ORC1: variants seen among roughly 807,000 people sequenced by gnomAD.
ORC1 encodes origin recognition complex, subunit 1 homolog.
A neutral mutation model predicts 98.9 loss-of-function variants in ORC1; 61 were observed. The observed-to-expected ratio is 0.62, with a 90% confidence interval of 0.50 to 0.76. The LOEUF (loss-of-function observed/expected upper bound fraction) is 0.76, where lower values mean the gene tolerates loss of function less well. Ranked by LOEUF, ORC1 falls within the 30% of genes least tolerant of loss-of-function variation. The pLI is 0.00. For missense variants in ORC1, 979 were observed against 1,072.2 expected, an observed-to-expected ratio of 0.91 and a Z score of 1.21; for synonymous variants, 385 against 406.9, an observed-to-expected ratio of 0.95 and a Z score of 0.65.
In ORC1 at chr1:52,373,349, GCA is replaced by G. The variant is rs776674140; in HGVS notation, c.2416_2417del (p.Cys806GlnfsTer47). ...QQIYSQHVAL[C>X]RMEGLPYPTM... is the part of the protein sequence containing the mutation. ...TGGGGTACGGCAGTCCCTCCATTCT[GCA>G]CAGTGCCACATGTTGACTATATATC... On this transcript the variant is annotated frameshift_variant, in exon 17 of 17. Coordinates refer to ENST00000371568, the MANE Select transcript of ORC1 (RefSeq NM_004153.4). LOFTEE classifies it high-confidence loss of function. The G allele has an allele frequency of 1.2e-6, 2 of 1,613,948 alleles. No individual in the cohort carries two copies. Among genetic ancestry groups the G allele is most frequent in the Non-Finnish European group, 1.7e-6 (2 of 1,179,954 alleles).
upstream of ORC1, chr1:52,408,862 T>A: frequency 1.4e-6 from 1 of 701,744 alleles, no homozygotes; most frequent in Non-Finnish European, 2.2e-6. Context: ...GTCTGACTAC[T>A]AGCTTCGTGT....
At chr1:52,373,736 G>A (rs1557566099) in intron 16 of ORC1, among the ~76,000 whole-genome samples, 1 of 152,146 alleles carries the variant, frequency 6.6e-6, no homozygotes, top group Non-Finnish European at 1.5e-5. Flanking sequence ...AAATAGTCTT[G>A]TCTCCAGGGG....
In ORC1 at chr1:52,374,909, C is replaced by T. The variant is rs774257573; in HGVS notation, c.2304-12G>A. ...GAACAGAGGAATTTCTTAAAGGAAA[C>T]GAGGGGATGTGAGTTTTTGTCAGTG... On this transcript the variant is annotated splice_polypyrimidine_tract_variant and intron_variant, in intron 15 of 16. Transcript: ENST00000371568. The T allele has an allele frequency of 1.4e-5, 23 of 1,588,332 alleles. No homozygotes were observed. The East Asian group carries it at 1.8e-4, about 12-fold the overall frequency.
In ORC1 at chr1:52,393,486, CT is replaced by C; in HGVS notation, c.1038del (p.Val347TrpfsTer5). On this transcript the variant is annotated frameshift_variant, in exon 6 of 17. Coordinates refer to ENST00000371568, the MANE Select transcript of ORC1 (RefSeq NM_004153.4). LOFTEE classifies it high-confidence loss of function. ...GGTTTCAGAATCACGGATGGCACCACTGAAGATCTCTGTCCCCCACTGATAG... is the reference window on the plus strand; with the variant it reads ...GGTTTCAGAATCACGGATGGCACCACGAAGATCTCTGTCCCCCACTGATAG... Reference protein sequence around the residue: ...LTPISGGQRSSVVPSVILKPE... With the variant: ...LTPISGGQRSXVVPSVILKPE... 6.2e-7 allele frequency: 1 copy of C among 1,614,198 alleles called. No individual in the cohort carries two copies. The highest frequency in any genetic ancestry group is 8.5e-7 in the Non-Finnish European group (1 of 1,180,028).
At position 52,374,503 on chromosome 1, in the gene ORC1, G is replaced by T. The variant is rs2147908006; in HGVS notation, c.2391+307C>A. On this transcript the variant is annotated intron_variant, in intron 16 of 16. Transcript: ENST00000371568. Reference sequence around the variant, plus strand: ...GATCTGTGATTTGTTCTCAAATATGGCCTCATTCTGAAAGCCTTGACTCCA... The same window carrying T: ...GATCTGTGATTTGTTCTCAAATATGTCCTCATTCTGAAAGCCTTGACTCCA... Among the ~76,000 whole-genome samples the T allele has an allele frequency of 1.3e-5, 2 of 152,270 alleles. 1 individual carries two copies. The highest frequency in any genetic ancestry group is 3.9e-4 in the East Asian group (2 of 5,188).
chr1:52,392,290 C>A (rs771441027), intron 6 of ORC1, among the ~76,000 whole-genome samples: 2 of 151,908 alleles, frequency 1.3e-5, no homozygotes, highest in African/African-American at 4.8e-5. Context: ...CCACCAAGCC[C>A]GGCTAATTTT....
At chr1:52,387,356 C>A (rs752717030) in intron 8 of ORC1, among the ~76,000 whole-genome samples, 1 of 152,150 alleles carries the variant, frequency 6.6e-6, no homozygotes, top group Admixed American at 6.5e-5. Context: ...CTGAAACCAT[C>A]CCCCCAGCCC....
rs545881356 is a variant in ORC1 at position 52,394,281 on chromosome 1, C to T, written c.722-478G>A. On this transcript the variant is annotated intron_variant, in intron 5 of 16. Coordinates refer to ENST00000371568, the MANE Select transcript of ORC1 (RefSeq NM_004153.4). ...GGACAATCCACTGGTTCTGTGAATA[C>T]ACAAAACTGTCTGGAATTGCTCCCT... is the stretch of plus-strand genomic sequence containing the variant. 3.3e-5 allele frequency among the ~76,000 whole-genome samples: 5 copies of T among 152,306 alleles called. No individual in the cohort carries two copies. In the South Asian group the frequency reaches 1.0e-3, roughly 32 times the overall value.
At chr1:52,383,683 A>C in intron 12 of ORC1, 114 bp from the exon 13 acceptor site, 1 of 1,371,626 alleles carries the variant, frequency 7.3e-7, no homozygotes, top group South Asian at 1.2e-5. Flanking sequence ...CATAGCACCA[A>C]AACAATCCAT....
rs546673947 is a variant in ORC1, at chr1:52,381,362, C to A, written c.2133+280G>T. Among the ~76,000 whole-genome samples the A allele has an allele frequency of 2.3e-4, 35 of 152,314 alleles. No homozygotes were observed. In the East Asian group the frequency reaches 6.4e-3, roughly 28 times the overall value. ...CTAAGCGTTAAAGCCAGAATTCAAA[C>A]CAGGTTTGTCTACCTGACTATATTG... On this transcript the variant is annotated intron_variant, in intron 14 of 16. Transcript: ENST00000371568.
At chr1:52,401,066 CT>C (rs1647681973) in intron 3 of ORC1, among the ~76,000 whole-genome samples, 1 of 151,994 alleles carries the variant, frequency 6.6e-6, no homozygotes, top group South Asian at 2.1e-4. Context: ...TTCCTTCTCC[CT>C]TTCCCCCAAA....
At chr1:52,402,986 C>T (rs1647801588) in intron 1 of ORC1, among the ~76,000 whole-genome samples, 3 of 152,192 alleles carry the variant, frequency 2.0e-5, no homozygotes, top group Admixed American at 1.3e-4. Flanking sequence ...TTAACTCAAA[C>T]CCGGAAAAGC....
chr1:52,404,630 G>A (rs2147951906), upstream of ORC1: 1 of 1,128,010 alleles, frequency 8.9e-7, no homozygotes, highest in Non-Finnish European at 1.3e-6. Context: ...CTTCAAGATG[G>A]TCGCCTAAGC....
Position 52,381,653 on chromosome 1 carries a change from C to T in ORC1, c.2122G>A (p.Val708Ile). The T allele has an allele frequency of 6.2e-7, 1 of 1,612,676 alleles. No homozygotes were observed. Among genetic ancestry groups the T allele is most frequent in the Admixed American group, 1.7e-5 (1 of 60,012 alleles). ...AGCTGGTGACTTACCTTCCTGGCTACCAGCTGGATGGCATCATCTTCAAAG... is the reference window on the plus strand; with the variant it reads ...AGCTGGTGACTTACCTTCCTGGCTATCAGCTGGATGGCATCATCTTCAAAG... ...KAFEDDAIQL[V>I]ARKVAALSGD... The change falls in exon 14 of 17, where the codon GTA (valine) becomes ATA (isoleucine). Residue 708 changes from valine to isoleucine, a missense_variant. Physicochemically the swap from Val to Ile is conservative, Grantham distance 29. Transcript: ENST00000371568.
chr1:52,380,677 C>G (rs940951745), intron 14 of ORC1, among the ~76,000 whole-genome samples: 1 of 147,254 alleles, frequency 6.8e-6, no homozygotes, highest in Non-Finnish European at 1.5e-5. Flanking sequence ...CCTGGGCGAC[C>G]GAGTGAGATG....
chr1:52,389,775 C>T (rs1053709194), intron 6 of ORC1, among the ~76,000 whole-genome samples: 43 of 152,104 alleles, frequency 2.8e-4, no homozygotes, highest in Non-Finnish European at 1.6e-4. Context: ...TAACTTCTGG[C>T]TTGTTGCATT....
At chr1:52,379,210 G>T (rs1436413210) in intron 14 of ORC1, among the ~76,000 whole-genome samples, 2 of 151,504 alleles carry the variant, frequency 1.3e-5, no homozygotes, top group Non-Finnish European at 1.5e-5. Flanking sequence ...CTGGAAAGAG[G>T]TAAAGGGGGG....
chr1:52,380,435 C>G (rs1557571309), intron 14 of ORC1, among the ~76,000 whole-genome samples: 1 of 152,202 alleles, frequency 6.6e-6, no homozygotes, highest in African/African-American at 2.4e-5. Context: ...GTGGCTTGCT[C>G]CTGTAATCCC....
rs2147908804 is a variant in ORC1 at position 52,374,914 on chromosome 1, G to A, written c.2304-17C>T. 3 of 1,570,956 alleles carry A rather than the reference G, an allele frequency of 1.9e-6. No individual in the cohort carries two copies. Among genetic ancestry groups the A allele is most frequent in the East Asian group, 4.5e-5 (2 of 44,676 alleles). On this transcript the variant is annotated splice_polypyrimidine_tract_variant and intron_variant, in intron 15 of 16. Coordinates refer to ENST00000371568, the MANE Select transcript of ORC1 (RefSeq NM_004153.4). ...GAGGAATTTCTTAAAGGAAACGAGG[G>A]GATGTGAGTTTTTGTCAGTGGCTGT...
Sources: gnomAD v4.1 joint callset for allele counts (sites outside exome capture counted in the v4.1 genomes callset) on GRCh38, gnomAD v4.1.1 for gene constraint, MANE v1.5 for transcripts, NCBI Gene and HGNC (gene_info 2026-07-23, HGNC 2026-07-21) for gene names.